ROBO2: variants seen among roughly 807,000 people sequenced by gnomAD.
ROBO2 encodes roundabout guidance receptor 2.
Under a neutral mutation model 160.8 loss-of-function variants are expected in ROBO2, and 53 were observed. The observed-to-expected ratio is 0.33, with a 90% CI of 0.26 to 0.41. The LOEUF (loss-of-function observed/expected upper bound fraction) is 0.41, where lower values mean the gene tolerates loss of function less well. Ranked by LOEUF, ROBO2 falls within the 10% of genes least tolerant of loss-of-function variation. The pLI is 1.00. For missense variants in ROBO2, 1,577 were observed against 1,722.4 expected, an observed-to-expected ratio of 0.92 and a Z score of 1.49; for synonymous variants, 664 against 611.7, an observed-to-expected ratio of 1.09 and a Z score of -1.26.
Position 77,395,658 on chromosome 3 carries a change from G to A in ROBO2, c.389-81756G>A, listed in dbSNP as rs952708377. On this transcript the variant is annotated intron_variant, in intron 2 of 25. Coordinates refer to ENST00000461745, the Ensembl canonical transcript of ROBO2. The stretch of plus-strand genomic sequence containing the variant: ...AAAATTGCACTGGATAAGTTCTGTA[G>A]TAGATCTAAATGTAATCGTGTATGA... Among the ~76,000 whole-genome samples the A allele has an allele frequency of 1.3e-4, 20 of 152,054 alleles. 1 individual carries two copies. The highest frequency in any genetic ancestry group is 1.2e-3 in the Admixed American group (19 of 15,244).
intron 2 of ROBO2, among the ~76,000 whole-genome samples, chr3:77,267,452 C>G (rs1404441551): frequency 6.6e-6 from 1 of 152,098 alleles, no homozygotes; most frequent in Non-Finnish European, 1.5e-5. Context: ...GTATTCGCAC[C>G]TGCCTCACCT....
chr3:76,654,815 A>C (rs1259640860), intron 2 of ROBO2, among the ~76,000 whole-genome samples: 1 of 150,374 alleles, frequency 6.7e-6, no homozygotes, highest in Non-Finnish European at 1.5e-5. Flanking sequence ...ACACAAATTC[A>C]GAAAAATTTT....
rs560505510 is a variant in ROBO2 at position 76,278,626 on chromosome 3, C to T, written c.109+341024C>T. ...CGGCATTTATTTTTAAAAGATATTT[C>T]CCCAAGTAAAAGTTAGAAAGCATCT... On this transcript the variant is annotated intron_variant, in intron 2 of 26. Transcript: ENST00000487694. 1.8e-4 allele frequency among the ~76,000 whole-genome samples: 27 copies of T among 151,954 alleles called. 1 individual carries two copies. The Middle Eastern group carries it at 0.017, about 96-fold the overall frequency.
intron 2 of ROBO2, among the ~76,000 whole-genome samples, chr3:76,171,950 C>A (rs1189353619): frequency 6.6e-6 from 1 of 152,042 alleles, no homozygotes; most frequent in Non-Finnish European, 1.5e-5. Flanking sequence ...AAACTCACCC[C>A]TAAGCTGTAC....
At chr3:77,277,518 C>T (rs998981183) in intron 2 of ROBO2, among the ~76,000 whole-genome samples, 3 of 151,982 alleles carry the variant, frequency 2.0e-5, no homozygotes, top group African/African-American at 7.3e-5. Flanking sequence ...GTGTTCTCAT[C>T]GTTCATCTCT....
At chr3:76,773,394 C>T (rs1198316619) in intron 2 of ROBO2, among the ~76,000 whole-genome samples, 1 of 150,656 alleles carries the variant, frequency 6.6e-6, no homozygotes, top group African/African-American at 2.4e-5. Flanking sequence ...TTTATTCTTT[C>T]CCCACACATA....
chr3:76,095,405 A>G (rs968730930), intron 2 of ROBO2, among the ~76,000 whole-genome samples: 2 of 152,128 alleles, frequency 1.3e-5, no homozygotes, highest in African/African-American at 2.4e-5. Flanking sequence ...AAAAGGAAAG[A>G]TAATATAATA....
intron 2 of ROBO2, among the ~76,000 whole-genome samples, chr3:76,777,008 G>T (rs1308048998): frequency 2.0e-5 from 3 of 151,124 alleles, no homozygotes; most frequent in Non-Finnish European, 3.0e-5. Flanking sequence ...CAGTGGTAGA[G>T]ATCCACACTA....
At chr3:76,491,240 C>T (rs549700971) in intron 2 of ROBO2, among the ~76,000 whole-genome samples, 25 of 152,088 alleles carry the variant, frequency 1.6e-4, no homozygotes, top group African/African-American at 4.6e-4. Flanking sequence ...TGAGCCAGGG[C>T]GCCCGACCTA....
At position 77,040,950 on chromosome 3, in the gene ROBO2, T is replaced by C. The variant is rs529823779; in HGVS notation, c.61+104T>C. 326 of 1,489,998 alleles carry C rather than the reference T, an allele frequency of 2.2e-4. 1 individual carries two copies. The highest frequency in any genetic ancestry group is 6.2e-4 in the African/African-American group (45 of 72,358). The allele number at this position is 1,489,998 out of a possible 1,614,324, so 92.3% of individuals were successfully genotyped here. ...GTGGGTTATAAATGAAATGACATTA[T>C]GTCTGTTAGTCCGTTTTGGCCCGGC... On this transcript the variant is annotated intron_variant, in intron 1 of 25. Coordinates refer to ENST00000461745, the Ensembl canonical transcript of ROBO2.
chr3:76,386,277 G>C (rs562432486), intron 2 of ROBO2, among the ~76,000 whole-genome samples: 1 of 151,708 alleles, frequency 6.6e-6, no homozygotes, highest in East Asian at 2.0e-4. Context: ...ATGCAAACTA[G>C]ACCTTTCTTC....
intron 2 of ROBO2, among the ~76,000 whole-genome samples, chr3:77,289,136 G>A (rs555518898): frequency 1.3e-5 from 2 of 152,238 alleles, no homozygotes; most frequent in African/African-American, 4.8e-5. Context: ...GTTGGTTGAA[G>A]TTTATTTATA....
At chr3:77,187,962 G>A (rs11713685) in intron 2 of ROBO2, among the ~76,000 whole-genome samples, 29,681 of 151,616 alleles carry the variant, frequency 0.2, 3,338 homozygotes, top group Middle Eastern at 0.31. Flanking sequence ...CTAAATGTAC[G>A]CTATAAATAA....
In ROBO2 at chr3:77,638,275, C is replaced by A. The variant is rs112544905; in HGVS notation, c.3934+3232C>A. 2.2e-3 allele frequency among the ~76,000 whole-genome samples: 338 copies of A among 152,338 alleles called. 2 individuals carry two copies. Among genetic ancestry groups the A allele is most frequent in the African/African-American group, 7.8e-3 (325 of 41,574 alleles). On this transcript the variant is annotated intron_variant, in intron 24 of 25. Transcript: ENST00000461745. Reference sequence around the variant, plus strand: ...TACTTAGCAGCATTGATTGTACAGACATTTTACAATAAACCTTTTGCATTA... The same window carrying A: ...TACTTAGCAGCATTGATTGTACAGAAATTTTACAATAAACCTTTTGCATTA...
chr3:76,351,026 C>T (rs770989067), intron 2 of ROBO2, among the ~76,000 whole-genome samples: 5 of 151,852 alleles, frequency 3.3e-5, no homozygotes, highest in Non-Finnish European at 5.9e-5. Flanking sequence ...CTTATAATTG[C>T]ATTAGCCTTT....
chr3:77,099,083 T>C (rs1285634116), intron 2 of ROBO2, among the ~76,000 whole-genome samples: 1 of 148,032 alleles, frequency 6.8e-6, no homozygotes, highest in Non-Finnish European at 1.5e-5. Flanking sequence ...TTTTTTTTTT[T>C]TTTTTTGAGA....
At chr3:77,260,315 A>G (rs1470035596) in intron 2 of ROBO2, among the ~76,000 whole-genome samples, 3 of 152,192 alleles carry the variant, frequency 2.0e-5, no homozygotes, top group Admixed American at 1.3e-4. Flanking sequence ...CCTTAACCCA[A>G]CTTACTGGAG....
intron 2 of ROBO2, among the ~76,000 whole-genome samples, chr3:77,318,340 G>T (rs1182571107): frequency 6.6e-6 from 1 of 152,152 alleles, no homozygotes; most frequent in Non-Finnish European, 1.5e-5. Flanking sequence ...AGCTAGTAAT[G>T]TAGTTTTATG....
chr3:77,264,534 T>C (rs1404672067), intron 2 of ROBO2, among the ~76,000 whole-genome samples: 1 of 137,682 alleles, frequency 7.3e-6, no homozygotes, highest in South Asian at 2.5e-4. Context: ...TACATGTTCA[T>C]AATGTTTTTT....
Sources: gnomAD v4.1 joint callset for allele counts (sites outside exome capture counted in the v4.1 genomes callset) on GRCh38, gnomAD v4.1.1 for gene constraint, MANE v1.5 for transcripts, NCBI Gene and HGNC (gene_info 2026-07-23, HGNC 2026-07-21) for gene names.